SAAL1: variants seen among roughly 807,000 people sequenced by gnomAD.
SAAL1 encodes the protein serum amyloid A like 1.
In SAAL1, 42 loss-of-function variants were observed where a neutral mutation model predicts 59.8. That is an observed-to-expected ratio of 0.70 (90% CI 0.55 to 0.91). The LOEUF is 0.91. Among genes scored for constraint, SAAL1 ranks in the 40% least tolerant of loss-of-function variants. The pLI is 0.00. For missense variants in SAAL1, 542 were observed against 561.1 expected (o/e 0.97, Z 0.34); for synonymous variants, 191 against 194.3 (o/e 0.98, Z 0.14).
rs1050563427 is a variant in SAAL1, at chr11:18,081,295, C to T, written c.1332+116G>A. 4.9e-5 allele frequency: 34 copies of T among 697,842 alleles called. No homozygotes were observed. In the African/African-American group the frequency reaches 5.9e-4, roughly 12 times the overall value. 43.2% of individuals were successfully genotyped at this position (697,842 alleles called of 1,614,324 possible). On this transcript the variant is annotated intron_variant, in intron 11 of 11. Transcript: ENST00000524803. ...CATCTATCTGACAAAGGCATTAAGT[C>T]ATATAAATTGTATATACTATCATTT...
chr11:18,082,103 G>A (rs774222135), intron 10 of SAAL1, among the ~76,000 whole-genome samples: 5 of 152,116 alleles, frequency 3.3e-5, no homozygotes, highest in Admixed American at 6.5e-5. Flanking sequence ...CATAGCACTC[G>A]TGTATTCTCA....
In SAAL1 at chr11:18,086,919, A is replaced by C. The variant is rs1342609926; in HGVS notation, c.989T>G (p.Leu330Trp). The change falls in exon 9 of 12, where the codon TTG becomes TGG. Residue 330 changes from leucine to tryptophan, a missense_variant. Transcript: ENST00000524803. ...AGTCTGTGAGGCATAGATGGCAGACAACACTGAAAAAACAGAGGCTAGCAC... is the reference window on the plus strand; with the variant it reads ...AGTCTGTGAGGCATAGATGGCAGACCACACTGAAAAAACAGAGGCTAGCAC... ...KTVLASVFSV[L>W]SAIYASQTEQ... is the part of the protein sequence containing the mutation. 6.2e-7 allele frequency: 1 copy of C among 1,614,122 alleles called. No homozygotes were observed. Among genetic ancestry groups the C allele is most frequent in the Admixed American group, 1.7e-5 (1 of 60,020 alleles).
In SAAL1 at chr11:18,086,919, A is replaced by AG. The variant is rs1848470165; in HGVS notation, c.988_989insC (p.Leu330SerfsTer10). The AG allele has an allele frequency of 6.2e-7, 1 of 1,614,004 alleles. No homozygotes were observed. Among genetic ancestry groups the AG allele is most frequent in the African/African-American group, 1.3e-5 (1 of 74,936 alleles). On this transcript the variant is annotated frameshift_variant, in exon 9 of 12. Transcript: ENST00000524803. LOFTEE classifies it high-confidence loss of function. ...AGTCTGTGAGGCATAGATGGCAGAC[A>AG]ACACTGAAAAAACAGAGGCTAGCAC...
At chr11:18,091,465 C>CT (rs1208639045) in intron 4 of SAAL1, among the ~76,000 whole-genome samples, 1 of 152,196 alleles carries the variant, frequency 6.6e-6, no homozygotes, top group African/African-American at 2.4e-5. Flanking sequence ...GAACTAGGAT[C>CT]TTAAAGTCCC....
Position 18,083,645 on chromosome 11 carries a change from T to C in SAAL1, c.1129A>G (p.Asn377Asp), listed in dbSNP as rs773666306. ...TCAGTCCTTTTAGTTTCCTCTGTGT[T>C]AGACTCTGCCGAGTTCTCTGGTTTT... ...QKKPENSAES[N>D]TEETKRTDLT... is the part of the protein sequence containing the mutation. Residue 377 changes from asparagine to aspartate, a missense_variant, in exon 10 of 12, where the codon AAC becomes GAC. Coordinates refer to ENST00000524803, the MANE Select transcript of SAAL1 (RefSeq NM_138421.3). 1.2e-6 allele frequency: 2 copies of C among 1,611,344 alleles called. No homozygotes were observed. Among genetic ancestry groups the C allele is most frequent in the South Asian group, 1.1e-5 (1 of 90,894 alleles).
At chr11:18,103,373 T>G in intron 1 of SAAL1, 27 bp from the exon 2 acceptor site, 2 of 1,538,996 alleles carry the variant, frequency 1.3e-6, no homozygotes, top group South Asian at 1.1e-5. Context: ...AAAGAAAACA[T>G]GAATAAAAGT....
Position 18,092,262 on chromosome 11 carries a change from G to A in SAAL1, c.396C>T (p.Ser132=), listed in dbSNP as rs753759508. 3 of 1,589,254 alleles carry A rather than the reference G, an allele frequency of 1.9e-6. No homozygotes were observed. The highest frequency in any genetic ancestry group is 2.6e-6 in the Non-Finnish European group (3 of 1,157,790). Residue 132 remains serine, a synonymous_variant, in exon 4 of 12, where the codon AGC becomes AGT. Coordinates refer to ENST00000524803, the MANE Select transcript of SAAL1 (RefSeq NM_138421.3). ...ACFQEICVSI[S]SDKNLGQVLL... is the part of the protein sequence containing the mutation. ...AGACTTACCCAAGATTTTTATCACT[G>A]CTGATGGACACACATATCTCCTGGA...
rs772565242 is a variant in SAAL1 at position 18,090,510 on chromosome 11, G to A, written c.414-17C>T. On this transcript the variant is annotated splice_polypyrimidine_tract_variant and intron_variant, in intron 4 of 11. Transcript: ENST00000524803. Reference sequence around the variant, plus strand: ...AACACCTGCCTACAAAAACAAAGAAGTTAACCGATATGCCTCACTTCTCGC... The same window carrying A: ...AACACCTGCCTACAAAAACAAAGAAATTAACCGATATGCCTCACTTCTCGC... 4 of 1,598,882 alleles carry A rather than the reference G, an allele frequency of 2.5e-6. No homozygotes were observed. In the African/African-American group the frequency reaches 5.4e-5, roughly 22 times the overall value.
In SAAL1 at chr11:18,087,209, A is replaced by G; in HGVS notation, c.787T>C (p.Trp263Arg). 6.2e-7 allele frequency: 1 copy of G among 1,612,004 alleles called. No individual in the cohort carries two copies. Among genetic ancestry groups the G allele is most frequent in the Non-Finnish European group, 8.5e-7 (1 of 1,178,156 alleles). Residue 263 changes from tryptophan (W) to arginine (R), a missense_variant, in exon 8 of 12, where the codon TGG (tryptophan) becomes CGG (arginine). By Grantham distance (101) the Trp-to-Arg change is moderately radical. Transcript: ENST00000524803. Reference sequence around the variant, plus strand: ...AAAATGTGCATGTAAACATCAAGCCATTCTGGATTTTCAGAACTAAATAGG... The same window carrying G: ...AAAATGTGCATGTAAACATCAAGCCGTTCTGGATTTTCAGAACTAAATAGG... ...AKQVRSENPE[W>R]LDVYMHILQL...
At chr11:18,101,768 C>G (rs1256932326) in intron 2 of SAAL1, among the ~76,000 whole-genome samples, 1 of 145,884 alleles carries the variant, frequency 6.9e-6, no homozygotes, top group African/African-American at 2.5e-5. Context: ...CATTCATCAA[C>G]AGGTAAAAAA....
chr11:18,080,773 C>A (rs1051582612), intron 11 of SAAL1, among the ~76,000 whole-genome samples: 1 of 152,122 alleles, frequency 6.6e-6, no homozygotes, highest in African/African-American at 2.4e-5. Flanking sequence ...GAAAAAGTTC[C>A]TATTTTGAAA....
intron 9 of SAAL1, among the ~76,000 whole-genome samples, chr11:18,085,850 A>AG (rs1848458387): frequency 3.9e-5 from 6 of 152,302 alleles, no homozygotes; most frequent in African/African-American, 1.2e-4. Flanking sequence ...TCTGGGAAAA[A>AG]ACTGATACCA....
Position 18,083,661 on chromosome 11 carries a change from C to A in SAAL1, c.1113G>T (p.Glu371Asp), listed in dbSNP as rs765373997. The A allele has an allele frequency of 9.9e-6, 16 of 1,611,722 alleles. No individual in the cohort carries two copies. Among genetic ancestry groups the A allele is most frequent in the Non-Finnish European group, 2.5e-6 (3 of 1,178,502 alleles). Residue 371 changes from glutamate to aspartate, a missense_variant, in exon 10 of 12, where the codon GAG (glutamate) becomes GAT (aspartate). Coordinates refer to ENST00000524803, the MANE Select transcript of SAAL1 (RefSeq NM_138421.3). ...QNMEQCQKKP[E>D]NSAESNTEET... ...CCTCTGTGTTAGACTCTGCCGAGTTCTCTGGTTTTTTCTGACACTGTTCCA... is the reference window on the plus strand; with the variant it reads ...CCTCTGTGTTAGACTCTGCCGAGTTATCTGGTTTTTTCTGACACTGTTCCA...
chr11:18,103,389 A>G (rs1386528179), intron 1 of SAAL1, 43 bp from the exon 2 acceptor site: 6 of 1,398,188 alleles, frequency 4.3e-6, no homozygotes, highest in Non-Finnish European at 6.1e-6. Flanking sequence ...AAAGTTGTCT[A>G]CAATACTAAC....
chr11:18,092,406 G>A lies in SAAL1; in HGVS notation c.334-82C>T, dbSNP rs527310015. 163 of 905,442 alleles carry A rather than the reference G, an allele frequency of 1.8e-4. No homozygotes were observed. In the African/African-American group the frequency reaches 2.2e-3, roughly 12 times the overall value. The allele number at this position is 905,442 out of a possible 1,614,324, so 56.1% of individuals were successfully genotyped here. ...AATATCAACTTGAACAAAAACTTTC[G>A]CTGAGCCAAGTTTTGGGGCAAGGCG... On this transcript the variant is annotated intron_variant, in intron 3 of 11. Transcript: ENST00000524803.
At chr11:18,104,220 C>T (rs934840148) in intron 1 of SAAL1, among the ~76,000 whole-genome samples, 1 of 152,114 alleles carries the variant, frequency 6.6e-6, no homozygotes, top group Non-Finnish European at 1.5e-5. Context: ...TTTCCAAGAA[C>T]CTACTGATGT....
intron 9 of SAAL1, among the ~76,000 whole-genome samples, chr11:18,085,097 T>G (rs565014398): frequency 6.6e-6 from 1 of 152,246 alleles, no homozygotes; most frequent in Non-Finnish European, 1.5e-5. Context: ...CAATAATGCT[T>G]AACAATGGAA....
At chr11:18,099,881 C>T (rs925526279) in intron 2 of SAAL1, among the ~76,000 whole-genome samples, 1 of 152,138 alleles carries the variant, frequency 6.6e-6, no homozygotes, top group Admixed American at 6.5e-5. Context: ...GAACGATAGG[C>T]GACAAGACTG....
intron 2 of SAAL1, among the ~76,000 whole-genome samples, chr11:18,098,144 C>A (rs1164733285): frequency 6.6e-6 from 1 of 152,190 alleles, no homozygotes. Context: ...GAGACTTTGT[C>A]TCAAACAAAA....
Sources: gnomAD v4.1 joint callset for allele counts (sites outside exome capture counted in the v4.1 genomes callset) on GRCh38, gnomAD v4.1.1 for gene constraint, MANE v1.5 for transcripts, NCBI Gene and HGNC (gene_info 2026-07-23, HGNC 2026-07-21) for gene names.